PKHD1: variants seen among roughly 807,000 people sequenced by gnomAD.
The protein encoded by PKHD1 is fibrocystin.
In PKHD1, 291 loss-of-function variants were observed where a neutral mutation model predicts 412.0. That is an observed-to-expected ratio of 0.71 (90% CI 0.64 to 0.78). The LOEUF is 0.78. PKHD1 is among the 30% of genes least tolerant of loss of function. The pLI, the probability that PKHD1 is intolerant of heterozygous loss-of-function variation, is 0.00. For missense variants in PKHD1, 4,825 were observed against 4,950.7 expected (o/e 0.97, Z 0.76); for synonymous variants, 1,777 against 1,821.5 (o/e 0.98, Z 0.62).
intron 60 of PKHD1, among the ~76,000 whole-genome samples, chr6:51,692,863 T>G (rs1272526167): frequency 1.3e-5 from 2 of 152,198 alleles, no homozygotes; most frequent in African/African-American, 2.4e-5. Flanking sequence ...TCAACACTAT[T>G]CTCAGTAATG....
chr6:51,959,001 C>T (rs1194833158), intron 36 of PKHD1, among the ~76,000 whole-genome samples: 3 of 152,092 alleles, frequency 2.0e-5, no homozygotes, highest in South Asian at 4.1e-4. Context: ...AATCCTGATT[C>T]GGTCTAAAAG....
chr6:51,860,524 G>A (rs960614475), intron 48 of PKHD1, among the ~76,000 whole-genome samples: 3 of 152,204 alleles, frequency 2.0e-5, no homozygotes, highest in Admixed American at 6.5e-5. Flanking sequence ...AAGCAAAGGA[G>A]CACAAAAGTA....
rs570814927 is a variant in PKHD1, at chr6:51,714,459, G to A, written c.10156+29926C>T. ...CACCTTTCTTACATACCATGGAAGT[G>A]CATGACGGGCCAGATGAGCAGAAGC... On this transcript the variant is annotated intron_variant, in intron 60 of 66. Transcript: ENST00000371117. 6.6e-5 allele frequency among the ~76,000 whole-genome samples: 10 copies of A among 152,300 alleles called. No individual in the cohort carries two copies. In the South Asian group the frequency reaches 1.9e-3, roughly 28 times the overall value.
chr6:51,713,792 G>A (rs569409994), intron 60 of PKHD1, among the ~76,000 whole-genome samples: 2 of 152,016 alleles, frequency 1.3e-5, no homozygotes, highest in East Asian at 3.9e-4. Flanking sequence ...CTCTTGTATG[G>A]GTCTCTGTTA....
At chr6:51,968,043 C>G (rs1793097986) in intron 35 of PKHD1, among the ~76,000 whole-genome samples, 1 of 151,954 alleles carries the variant, frequency 6.6e-6, no homozygotes, top group East Asian at 1.9e-4. Context: ...TTTTTCCTGT[C>G]TTTACACCTG....
intron 60 of PKHD1, among the ~76,000 whole-genome samples, chr6:51,714,202 T>C (rs1355638108): frequency 1.3e-5 from 2 of 152,160 alleles, no homozygotes; most frequent in Admixed American, 1.3e-4. Context: ...AAACCCCATC[T>C]CTATGAAAAA....
intron 35 of PKHD1, among the ~76,000 whole-genome samples, chr6:51,967,043 T>C (rs1337894129): frequency 6.6e-6 from 1 of 152,108 alleles, no homozygotes; most frequent in Non-Finnish European, 1.5e-5. Flanking sequence ...CGGCTGGCCC[T>C]GGAGGAAGGA....
chr6:51,888,475 C>T (rs1159604688), intron 43 of PKHD1, among the ~76,000 whole-genome samples: 3 of 151,704 alleles, frequency 2.0e-5, no homozygotes, highest in Non-Finnish European at 4.4e-5. Context: ...TTTTGGCCTA[C>T]CCAATGTTCA....
intron 60 of PKHD1, chr6:51,721,339 A>G (rs1431374563): frequency 1.6e-6 from 1 of 626,838 alleles, no homozygotes; most frequent in African/African-American, 2.0e-5. Context: ...GTATATTAGT[A>G]TTAGTATATT....
chr6:52,056,753 T>C lies in PKHD1; in HGVS notation c.1638A>G (p.Lys546=), dbSNP rs1483528901. 6.2e-7 allele frequency: 1 copy of C among 1,613,614 alleles called. No individual in the cohort carries two copies. Among genetic ancestry groups the C allele is most frequent in the African/African-American group, 1.3e-5 (1 of 75,028 alleles). ...QTTIEELLAV[K]CKLEPLWSNI... ...TAGACCAAAGGGGTTCCAGTTTGCATTTTACTGCAAGTAACTCCTCAATGG... is the reference window on the plus strand; with the variant it reads ...TAGACCAAAGGGGTTCCAGTTTGCACTTTACTGCAAGTAACTCCTCAATGG... Residue 546 remains lysine, a synonymous_variant, in exon 18 of 67, where the codon AAA becomes AAG. Coordinates refer to ENST00000371117, the MANE Select transcript of PKHD1 (RefSeq NM_138694.4).
At chr6:51,655,186 C>T (rs1443219908) in intron 61 of PKHD1, among the ~76,000 whole-genome samples, 1 of 152,092 alleles carries the variant, frequency 6.6e-6, no homozygotes, top group Non-Finnish European at 1.5e-5. Flanking sequence ...ATAGGAATCT[C>T]TTCTAGGATG....
intron 35 of PKHD1, among the ~76,000 whole-genome samples, chr6:51,988,404 G>A (rs748963785): frequency 3.2e-4 from 49 of 151,938 alleles, no homozygotes; most frequent in African/African-American, 9.7e-4. Flanking sequence ...ATTTTATGTC[G>A]CCAATTAGAA....
chr6:51,820,698 T>C (rs1426797253), intron 52 of PKHD1, among the ~76,000 whole-genome samples: 1 of 152,134 alleles, frequency 6.6e-6, no homozygotes, highest in East Asian at 1.9e-4. Context: ...TGCTTAATAG[T>C]GTGGTAACCT....
chr6:51,703,826 A>C (rs1012824760), intron 60 of PKHD1, among the ~76,000 whole-genome samples: 1 of 152,050 alleles, frequency 6.6e-6, no homozygotes, highest in Non-Finnish European at 1.5e-5. Context: ...ACTACACCAA[A>C]AGGATGCAGA....
At chr6:51,803,931 C>T (rs1763309800) in intron 52 of PKHD1, among the ~76,000 whole-genome samples, 1 of 151,356 alleles carries the variant, frequency 6.6e-6, no homozygotes, top group Admixed American at 6.6e-5. Context: ...TGGTCTCAAA[C>T]TCCTGACCTC....
chr6:51,939,146 C>T (rs1251824425), intron 36 of PKHD1, among the ~76,000 whole-genome samples: 2 of 151,354 alleles, frequency 1.3e-5, no homozygotes, highest in African/African-American at 4.8e-5. Context: ...TACTGCTTTT[C>T]TGGGGGGCAA....
chr6:51,621,598 C>A (rs1381392965), intron 66 of PKHD1, among the ~76,000 whole-genome samples: 1 of 152,148 alleles, frequency 6.6e-6, no homozygotes, highest in Non-Finnish European at 1.5e-5. Context: ...CTTTCCTTTG[C>A]AGACCCCAAA....
intron 60 of PKHD1, among the ~76,000 whole-genome samples, chr6:51,679,861 G>T (rs1776395748): frequency 6.6e-6 from 1 of 151,920 alleles, no homozygotes; most frequent in African/African-American, 2.4e-5. Context: ...CCTTCCTCTG[G>T]CATCTTAATG....
At chr6:51,680,438 G>C (rs570118927) in intron 60 of PKHD1, among the ~76,000 whole-genome samples, 1 of 152,092 alleles carries the variant, frequency 6.6e-6, no homozygotes, top group South Asian at 2.1e-4. Context: ...ATTGCCCCTA[G>C]AATCTTCTCA....
Sources: gnomAD v4.1 joint callset for allele counts (sites outside exome capture counted in the v4.1 genomes callset) on GRCh38, gnomAD v4.1.1 for gene constraint, MANE v1.5 for transcripts, NCBI Gene and HGNC (gene_info 2026-07-23, HGNC 2026-07-21) for gene names.